SERPINB11: variants seen among roughly 807,000 people sequenced by gnomAD.
The protein encoded by SERPINB11 is serpin B11.
A neutral mutation model predicts 36.7 loss-of-function variants in SERPINB11; 32 were observed. The observed-to-expected ratio is 0.87, with a 90% confidence interval of 0.66 to 1.17. SERPINB11 has a LOEUF of 1.17. SERPINB11 is among the 50% of genes most tolerant of loss of function. The pLI is 0.00. For synonymous variants in SERPINB11, 174 were observed against 168.1 expected, an observed-to-expected ratio of 1.04 and a Z score of -0.27; for missense variants, 528 against 458.4, an observed-to-expected ratio of 1.15 and a Z score of -1.39.
At position 63,723,305 on chromosome 18, in the gene SERPINB11, G is replaced by C. The variant is rs369085630; in HGVS notation, c.1085G>C (p.Arg362Thr). The change falls in exon 8 of 8, where the codon AGA becomes ACA. Residue 362 changes from arginine (R) to threonine (T), a missense_variant. Physicochemically the swap from Arg to Thr is moderately conservative, Grantham distance 71. Coordinates refer to ENST00000544088, the MANE Select transcript of SERPINB11 (RefSeq NM_001370475.1). The part of the protein sequence containing the change: ...DSIAVKSLPM[R>T]AQFKANHPFL... ...ATCGCTGTAAAAAGCCTACCAATGA[G>C]AGCTCAGTTCAAGGCGAACCACCCC... 9 of 1,613,940 alleles carry C rather than the reference G, an allele frequency of 5.6e-6. No homozygotes were observed. In the South Asian group the frequency reaches 9.9e-5, roughly 18 times the overall value.
At chr18:63,722,775 C>A (rs1453786544) in intron 7 of SERPINB11, among the ~76,000 whole-genome samples, 1 of 152,070 alleles carries the variant, frequency 6.6e-6, no homozygotes, top group Non-Finnish European at 1.5e-5. Context: ...AGGATACCTA[C>A]TTGAGAAGCT....
Position 63,712,733 on chromosome 18 carries a change from G to T in SERPINB11, c.357+40G>T, listed in dbSNP as rs138944039. On this transcript the variant is annotated intron_variant, in intron 4 of 7. Coordinates refer to ENST00000544088, the MANE Select transcript of SERPINB11 (RefSeq NM_001370475.1). ...AAGAGTGATCAACAACTTTCTTGGC[G>T]TCCTCTGAATTTCATACCCCAAAAT... 2.5e-6 allele frequency: 4 copies of T among 1,596,346 alleles called. No homozygotes were observed. In the South Asian group the frequency reaches 4.5e-5, roughly 18 times the overall value.
Position 63,723,301 on chromosome 18 carries a change from A to T in SERPINB11, c.1081A>T (p.Met361Leu). ...CAGCATCGCTGTAAAAAGCCTACCA[A>T]TGAGAGCTCAGTTCAAGGCGAACCA... ...GDSIAVKSLP[M>L]RAQFKANHPF... is the part of the protein sequence containing the mutation. Residue 361 changes from methionine (M) to leucine (L), a missense_variant, in exon 8 of 8, where the codon ATG (methionine) becomes TTG (leucine). Transcript: ENST00000544088. The T allele has an allele frequency of 6.2e-7, 1 of 1,613,942 alleles. No homozygotes were observed. The highest frequency in any genetic ancestry group is 8.5e-7 in the Non-Finnish European group (1 of 1,179,870).
intron 1 of SERPINB11, among the ~76,000 whole-genome samples, chr18:63,704,887 G>A (rs1914331514): frequency 6.6e-6 from 1 of 152,214 alleles, no homozygotes; most frequent in South Asian, 2.1e-4. Context: ...TCATGGCACT[G>A]TTTGTGGTGG....
At chr18:63,713,829 A>T in intron 4 of SERPINB11, among the ~76,000 whole-genome samples, 2 of 152,284 alleles carry the variant, frequency 1.3e-5, no homozygotes, top group East Asian at 3.9e-4. Flanking sequence ...TCATGATGAC[A>T]TCTGTTCCAG....
At chr18:63,722,843 T>C (rs1021726899) in intron 7 of SERPINB11, among the ~76,000 whole-genome samples, 152 bp from the exon 8 acceptor site, 25 of 152,158 alleles carry the variant, frequency 1.6e-4, no homozygotes, top group Admixed American at 6.5e-5. Context: ...TGGCTAATGG[T>C]ATGATTTTGT....
At chr18:63,705,148 C>T (rs1431547315) in intron 1 of SERPINB11, 1 of 152,244 alleles carries the variant, frequency 6.6e-6, no homozygotes, top group African/African-American at 2.4e-5. Context: ...AGTCACTGCT[C>T]ACAGCAGCCT....
chr18:63,704,264 A>T (rs1338665498), intron 1 of SERPINB11, among the ~76,000 whole-genome samples: 1 of 152,240 alleles, frequency 6.6e-6, no homozygotes, highest in Non-Finnish European at 1.5e-5. Context: ...ATACCAACAT[A>T]TTAAATGAAC....
At chr18:63,705,690 T>C (rs777204706) in intron 1 of SERPINB11, 1 of 152,240 alleles carries the variant, frequency 6.6e-6, no homozygotes, top group Non-Finnish European at 1.5e-5. Context: ...CAAACTCTTT[T>C]CTTAGGTGCT....
intron 2 of SERPINB11, among the ~76,000 whole-genome samples, chr18:63,710,775 T>C (rs183835521): frequency 2.2e-4 from 33 of 152,344 alleles, no homozygotes; most frequent in African/African-American, 7.7e-4. Context: ...AGTTAGGAAT[T>C]GTTATCCACA....
intron 4 of SERPINB11, 47 bp from the exon 5 acceptor site, chr18:63,715,988 C>G (rs1914656388): frequency 7.6e-7 from 1 of 1,322,072 alleles, no homozygotes; most frequent in Non-Finnish European, 1.1e-6. Flanking sequence ...TTTTTGTTTT[C>G]CTTACACTGC....
At chr18:63,716,795 CTT>C (rs35056551) in intron 5 of SERPINB11, among the ~76,000 whole-genome samples, 5 of 149,360 alleles carry the variant, frequency 3.3e-5, no homozygotes, top group South Asian at 2.1e-4. Flanking sequence ...CCAGTTGGCT[CTT>C]TTTTTTTTGT....
chr18:63,712,623 A>G lies in SERPINB11; in HGVS notation c.287A>G (p.Gln96Arg). ...GGTGTCGAATTCTCTCAAATCAACC[A>G]GCCAGACTCTAACTGTACCCTCAGC... ...EFGVEFSQIN[Q>R]PDSNCTLSIA... The change falls in exon 4 of 8, where the codon CAG becomes CGG. Residue 96 changes from glutamine (Q) to arginine (R), a missense_variant. Transcript: ENST00000544088. 1.2e-6 allele frequency: 2 copies of G among 1,613,850 alleles called. No individual in the cohort carries two copies. Among genetic ancestry groups the G allele is most frequent in the Non-Finnish European group, 1.7e-6 (2 of 1,179,746 alleles).
intron 2 of SERPINB11, among the ~76,000 whole-genome samples, chr18:63,711,085 C>T (rs1174630114): frequency 6.6e-6 from 1 of 152,128 alleles, no homozygotes; most frequent in Non-Finnish European, 1.5e-5. Context: ...CTGAGGCAAG[C>T]TGCTTGATCT....
rs750834355 is a variant in SERPINB11, at chr18:63,719,932, G to C, written c.476-81G>C. The C allele has an allele frequency of 8.0e-6, 9 of 1,131,682 alleles. No homozygotes were observed. The South Asian group carries it at 9.4e-5, about 12-fold the overall frequency. 70.1% of individuals were successfully genotyped at this position (1,131,682 alleles called of 1,614,324 possible). ...TACAATTAGTCTTAAAAAAGAAATGGCTCTAAATTTCTCATGACTCTTCAC... is the reference window on the plus strand; with the variant it reads ...TACAATTAGTCTTAAAAAAGAAATGCCTCTAAATTTCTCATGACTCTTCAC... On this transcript the variant is annotated intron_variant, in intron 5 of 7. Transcript: ENST00000544088.
chr18:63,712,270 C>T (rs1447280367), intron 3 of SERPINB11, among the ~76,000 whole-genome samples: 2 of 152,178 alleles, frequency 1.3e-5, no homozygotes, highest in Non-Finnish European at 2.9e-5. Flanking sequence ...CTGAATACCC[C>T]ACTAGGATCT....
At chr18:63,720,617 A>G (rs762804952) in intron 6 of SERPINB11, 62 of 486,626 alleles carry the variant, frequency 1.3e-4, no homozygotes, top group Non-Finnish European at 2.1e-4. Context: ...TCTATATATT[A>G]TTAGAACAAT....
intron 4 of SERPINB11, among the ~76,000 whole-genome samples, 157 bp from the exon 5 acceptor site, chr18:63,715,878 A>C (rs753595379): frequency 6.6e-6 from 1 of 152,222 alleles, no homozygotes; most frequent in Admixed American, 6.5e-5. Flanking sequence ...TATTTGTTTT[A>C]TTAAAAATAA....
chr18:63,711,597 A>C (rs1400661775), intron 3 of SERPINB11, among the ~76,000 whole-genome samples: 1 of 152,080 alleles, frequency 6.6e-6, no homozygotes, highest in Non-Finnish European at 1.5e-5. Context: ...AGTTTCTTAG[A>C]TTTTATTACC....
Sources: allele counts gnomAD v4.1 joint callset (sites outside exome capture counted in the v4.1 genomes callset), GRCh38; gene constraint gnomAD v4.1.1; transcripts MANE v1.5; gene names NCBI Gene and HGNC (gene_info 2026-07-23, HGNC 2026-07-21).